FAM135A: variants seen among roughly 807,000 people sequenced by gnomAD.
FAM135A encodes the protein protein FAM135A.
A neutral mutation model predicts 146.8 loss-of-function variants in FAM135A; 79 were observed. The observed-to-expected ratio is 0.54, with a 90% CI of 0.45 to 0.65. The LOEUF (loss-of-function observed/expected upper bound fraction) is 0.65. Ranked by LOEUF, FAM135A falls within the 30% of genes least tolerant of loss-of-function variation. The probability of loss-of-function intolerance (pLI) is 0.00; values close to 1 mark genes in which losing one functional copy is unlikely to be tolerated. For synonymous variants in FAM135A, 562 were observed against 603.6 expected, an observed-to-expected ratio of 0.93 and a Z score of 1.01; for missense variants, 1,623 against 1,758.2, an observed-to-expected ratio of 0.92 and a Z score of 1.38.
intron 4 of FAM135A, among the ~76,000 whole-genome samples, chr6:70,437,756 G>C (rs1443934586): frequency 1.3e-5 from 2 of 152,054 alleles, no homozygotes; most frequent in African/African-American, 4.8e-5. Context: ...TTTGAAACTT[G>C]TTAAAGTTAT....
At chr6:70,435,105 ATATAT>A (rs1228388392) in intron 4 of FAM135A, among the ~76,000 whole-genome samples, 162 of 84,832 alleles carry the variant, frequency 1.9e-3, no homozygotes, top group African/African-American at 4.8e-3. Flanking sequence ...ATATATATAT[ATATAT>A]TTTTTTTTTT....
chr6:70,540,256 A>T (rs1026620282), intron 20 of FAM135A, among the ~76,000 whole-genome samples: 2 of 147,908 alleles, frequency 1.4e-5, no homozygotes, highest in Non-Finnish European at 3.0e-5. Context: ...GTGATGTCTT[A>T]TCCTTCTTTT....
At chr6:70,559,642 T>C in intron 21 of FAM135A, 74 bp from the exon 22 acceptor site, 1 of 1,258,812 alleles carries the variant, frequency 7.9e-7, no homozygotes, top group Non-Finnish European at 1.1e-6. Flanking sequence ...ATAACTTATC[T>C]AAAAATTGGC....
At chr6:70,477,037 ACT>A in intron 7 of FAM135A, 120 bp from the exon 8 acceptor site, 2 of 997,682 alleles carry the variant, frequency 2.0e-6, no homozygotes, top group South Asian at 4.2e-5. Context: ...TTTAAAAATT[ACT>A]CTTATTCGAA....
chr6:70,467,830 T>G (rs1308383701), intron 5 of FAM135A, among the ~76,000 whole-genome samples: 2 of 152,214 alleles, frequency 1.3e-5, no homozygotes, highest in Non-Finnish European at 2.9e-5. Flanking sequence ...GTTTCATGAA[T>G]GTAATATCTT....
chr6:70,510,747 T>A (rs1790803785), intron 12 of FAM135A, among the ~76,000 whole-genome samples: 1 of 152,088 alleles, frequency 6.6e-6, no homozygotes, highest in Non-Finnish European at 1.5e-5. Context: ...AAATATTTGT[T>A]TGAATATCTG....
intron 12 of FAM135A, among the ~76,000 whole-genome samples, chr6:70,522,108 G>A (rs568887451): frequency 1.1e-4 from 17 of 152,176 alleles, no homozygotes; most frequent in Middle Eastern, 6.8e-3. Flanking sequence ...GTAGAGACAG[G>A]GTTTCACCAT....
intron 12 of FAM135A, among the ~76,000 whole-genome samples, chr6:70,517,839 T>C (rs951377939): frequency 2.0e-5 from 3 of 152,230 alleles, no homozygotes; most frequent in Non-Finnish European, 2.9e-5. Flanking sequence ...GTGAACTTAA[T>C]ACATGTTGTG....
chr6:70,433,205 G>T (rs1772112396), intron 4 of FAM135A, among the ~76,000 whole-genome samples: 1 of 151,758 alleles, frequency 6.6e-6, no homozygotes, highest in African/African-American at 2.4e-5. Context: ...CTTCCGAGTA[G>T]CTGGGACTAC....
At chr6:70,503,372 T>C (rs1004199633) in intron 12 of FAM135A, 1 of 152,208 alleles carries the variant, frequency 6.6e-6, no homozygotes, top group African/African-American at 2.4e-5. Flanking sequence ...ATACTCTGCA[T>C]GCACCCTGAT....
chr6:70,488,523 A>C (rs1347988160), intron 10 of FAM135A, among the ~76,000 whole-genome samples: 2 of 148,402 alleles, frequency 1.3e-5, no homozygotes, highest in Non-Finnish European at 3.0e-5. Flanking sequence ...ATAAAACTGT[A>C]TAAATGGATA....
intron 20 of FAM135A, among the ~76,000 whole-genome samples, chr6:70,543,812 T>C (rs1798360056): frequency 6.6e-6 from 1 of 152,218 alleles, no homozygotes; most frequent in East Asian, 1.9e-4. Flanking sequence ...ATATCTAAAC[T>C]GTAAAGAAAA....
intron 19 of FAM135A, among the ~76,000 whole-genome samples, chr6:70,536,804 A>C (rs1302262188): frequency 1.3e-5 from 2 of 152,182 alleles, no homozygotes; most frequent in African/African-American, 4.8e-5. Flanking sequence ...TTGGTTCAAA[A>C]AGAGTAAAGA....
intron 12 of FAM135A, among the ~76,000 whole-genome samples, chr6:70,510,222 A>G (rs553444949): frequency 6.7e-6 from 1 of 148,308 alleles, no homozygotes; most frequent in African/African-American, 2.5e-5. Context: ...CATGATATAT[A>G]TAGGTAACTG....
intron 4 of FAM135A, among the ~76,000 whole-genome samples, chr6:70,447,983 A>T (rs535990465): frequency 6.6e-6 from 1 of 151,726 alleles, no homozygotes; most frequent in African/African-American, 2.4e-5. Flanking sequence ...TCCCGAATTT[A>T]AAAGGAAAAG....
chr6:70,432,263 C>T (rs185527724), intron 4 of FAM135A, among the ~76,000 whole-genome samples: 138 of 152,222 alleles, frequency 9.1e-4, no homozygotes, highest in African/African-American at 3.1e-3. Flanking sequence ...TCTCTACCTG[C>T]TGCACTTCTG....
At chr6:70,432,774 A>G (rs138599635) in intron 4 of FAM135A, among the ~76,000 whole-genome samples, 68 of 151,824 alleles carry the variant, frequency 4.5e-4, no homozygotes, top group Non-Finnish European at 8.2e-4. Flanking sequence ...TTTTTTTAAT[A>G]TAAAGGAAGA....
chr6:70,540,063 G>A (rs16869340), intron 20 of FAM135A, among the ~76,000 whole-genome samples: 40,340 of 152,006 alleles, frequency 0.27, 6,816 homozygotes, highest in African/African-American at 0.48. Context: ...CTCCTCTTGG[G>A]TCTTAACGTA....
In FAM135A at chr6:70,528,315, T is replaced by A. The variant is rs1490949970; in HGVS notation, c.3638T>A (p.Leu1213Gln). Reference protein sequence around the residue: ...IQAFLQAKEELKLLKLPGFMY... With the variant: ...IQAFLQAKEEQKLLKLPGFMY... Reference sequence around the variant, plus strand: ...AGCTTCCTTCAGGCAAAAGAAGAACTGAAGCTACTAAAACTTCCTGGGTTC... The same window carrying A: ...AGCTTCCTTCAGGCAAAAGAAGAACAGAAGCTACTAAAACTTCCTGGGTTC... Residue 1213 changes from leucine (L) to glutamine (Q), a missense_variant, in exon 16 of 22, where the codon CTG becomes CAG. Coordinates refer to ENST00000418814, the MANE Select transcript of FAM135A (RefSeq NM_001162529.3). 6.2e-7 allele frequency: 1 copy of A among 1,611,092 alleles called. No individual in the cohort carries two copies. Among genetic ancestry groups the A allele is most frequent in the South Asian group, 1.1e-5 (1 of 90,210 alleles).
Sources: allele counts gnomAD v4.1 joint callset (sites outside exome capture counted in the v4.1 genomes callset), GRCh38; gene constraint gnomAD v4.1.1; transcripts MANE v1.5; gene names NCBI Gene and HGNC (gene_info 2026-07-23, HGNC 2026-07-21).